The following VAT1L variants were observed in gnomAD, a reference collection of about 807,000 sequenced individuals.
VAT1L encodes vesicle amine transport 1 like, also known as putative NADPH-dependent quinone oxidoreductase VAT1L.
In VAT1L, 34 loss-of-function variants were observed where a neutral mutation model predicts 44.1. The observed-to-expected ratio is 0.77, with a 90% CI of 0.59 to 1.03. VAT1L has a LOEUF of 1.03. Among genes scored for constraint, VAT1L ranks in the 50% least tolerant of loss-of-function variants. The probability of loss-of-function intolerance (pLI) is 0.00; values close to 1 mark genes in which losing one functional copy is unlikely to be tolerated. For missense variants in VAT1L, 615 were observed against 538.8 expected, an observed-to-expected ratio of 1.14 and a Z score of -1.40; for synonymous variants, 253 against 202.2, an observed-to-expected ratio of 1.25 and a Z score of -2.13.
intron 7 of VAT1L, among the ~76,000 whole-genome samples, chr16:77,936,548 C>T (rs889880952): frequency 1.2e-4 from 18 of 151,914 alleles, no homozygotes; most frequent in Non-Finnish European, 2.1e-4. Flanking sequence ...GGCTTGCAGA[C>T]GATTCGAAGA....
chr16:77,924,301 C>T (rs909162117), intron 7 of VAT1L, among the ~76,000 whole-genome samples: 1 of 152,156 alleles, frequency 6.6e-6, no homozygotes, highest in East Asian at 1.9e-4. Flanking sequence ...ACCCCAGCAT[C>T]AAGCTCAGCC....
intron 7 of VAT1L, among the ~76,000 whole-genome samples, chr16:77,968,500 C>T (rs1301961030): frequency 2.0e-5 from 3 of 152,030 alleles, no homozygotes; most frequent in Admixed American, 6.6e-5. Flanking sequence ...CCAAGGCAGG[C>T]GGATCACAAA....
intron 4 of VAT1L, among the ~76,000 whole-genome samples, chr16:77,869,577 G>T (rs1431234301): frequency 6.6e-6 from 1 of 152,192 alleles, no homozygotes; most frequent in East Asian, 1.9e-4. Context: ...GCTGAGACAG[G>T]AGGATCTCTT....
In VAT1L at chr16:77,950,722, T is replaced by C. The variant is rs188316397; in HGVS notation, c.1078-21128T>C. Among the ~76,000 whole-genome samples, 52 of 152,308 alleles carry C rather than the reference T, an allele frequency of 3.4e-4. 1 individual carries two copies. The East Asian group carries it at 5.4e-3, about 16-fold the overall frequency. The stretch of plus-strand genomic sequence containing the variant: ...TTGCTTTTAAATATTGAATAACATA[T>C]AGTAACTGTTAAATTAGTGAATGTT... On this transcript the variant is annotated intron_variant, in intron 7 of 8. Transcript: ENST00000302536.
At chr16:77,873,612 G>A (rs190514556) in intron 4 of VAT1L, among the ~76,000 whole-genome samples, 3 of 152,270 alleles carry the variant, frequency 2.0e-5, no homozygotes, top group Admixed American at 2.0e-4. Context: ...CTTAAATTTT[G>A]GTGGAAGAGA....
At chr16:77,885,673 A>G (rs909697850) in intron 7 of VAT1L, among the ~76,000 whole-genome samples, 2 of 152,118 alleles carry the variant, frequency 1.3e-5, no homozygotes, top group African/African-American at 2.4e-5. Flanking sequence ...GCATGAGGGA[A>G]GTGCCTTATG....
chr16:77,927,207 G>A (rs981915136), intron 7 of VAT1L, among the ~76,000 whole-genome samples: 22 of 151,780 alleles, frequency 1.4e-4, no homozygotes, highest in African/African-American at 4.8e-4. Flanking sequence ...GTGTGGTGGC[G>A]GGCACCTGTA....
At chr16:77,810,950 C>G (rs944339925) in intron 1 of VAT1L, among the ~76,000 whole-genome samples, 4 of 152,138 alleles carry the variant, frequency 2.6e-5, no homozygotes, top group African/African-American at 9.7e-5. Flanking sequence ...CCTAATAAAA[C>G]AATGGGTTTC....
rs917765176 is a variant in VAT1L at position 77,790,825 on chromosome 16, T to C, written c.233+1910T>C. ...CATAGTTCTGTGTTTTCCAGTCTTA[T>C]GTTAACTGCATAATTGCTGATAGGA... On this transcript the variant is annotated intron_variant, in intron 1 of 8. Coordinates refer to ENST00000302536, the MANE Select transcript of VAT1L (RefSeq NM_020927.3). Among the ~76,000 whole-genome samples, 13 of 152,330 alleles carry C rather than the reference T, an allele frequency of 8.5e-5. 1 individual carries two copies. The highest frequency in any genetic ancestry group is 3.3e-4 in the Admixed American group (5 of 15,304).
chr16:77,823,141 G>T (rs1284303656), intron 2 of VAT1L, among the ~76,000 whole-genome samples: 1 of 151,796 alleles, frequency 6.6e-6, no homozygotes, highest in Non-Finnish European at 1.5e-5. Flanking sequence ...ACGCAGAACT[G>T]GCCAACCTGG....
At chr16:77,907,620 A>AC (rs1555518699) in intron 7 of VAT1L, among the ~76,000 whole-genome samples, 1 of 151,716 alleles carries the variant, frequency 6.6e-6, no homozygotes, top group Non-Finnish European at 1.5e-5. Flanking sequence ...ACAAAGATAT[A>AC]TTTTTTTATT....
rs547188447 is a variant in VAT1L at position 77,855,280 on chromosome 16, C to T, written c.580-7468C>T. Among the ~76,000 whole-genome samples the T allele has an allele frequency of 1.7e-4, 26 of 150,232 alleles. No individual in the cohort carries two copies. The South Asian group carries it at 3.6e-3, about 21-fold the overall frequency. Reference sequence around the variant, plus strand: ...GCTCGAACCCGGGAAGCAGAGGTTACGGTGAGCCGAGATCGTGCCACTGCA... The same window carrying T: ...GCTCGAACCCGGGAAGCAGAGGTTATGGTGAGCCGAGATCGTGCCACTGCA... On this transcript the variant is annotated intron_variant, in intron 3 of 8. Transcript: ENST00000302536.
At chr16:77,790,642 C>T (rs1308301194) in intron 1 of VAT1L, among the ~76,000 whole-genome samples, 2 of 152,112 alleles carry the variant, frequency 1.3e-5, no homozygotes, top group Non-Finnish European at 2.9e-5. Flanking sequence ...TGTGCATATA[C>T]ATATATACAA....
At position 77,818,088 on chromosome 16, in the gene VAT1L, A is replaced by T. The variant is rs529211617; in HGVS notation, c.363+1038A>T. Among the ~76,000 whole-genome samples, 20 of 152,248 alleles carry T rather than the reference A, an allele frequency of 1.3e-4. No homozygotes were observed. In the South Asian group the frequency reaches 4.2e-3, roughly 32 times the overall value. On this transcript the variant is annotated intron_variant, in intron 2 of 8. Coordinates refer to ENST00000302536, the MANE Select transcript of VAT1L (RefSeq NM_020927.3). ...GGATTCAAATCACCAGAGCTTGTTT[A>T]TCCTTCCTACAGTCTCATGATCTTC...
intron 7 of VAT1L, among the ~76,000 whole-genome samples, chr16:77,962,900 C>T (rs947432082): frequency 2.0e-5 from 3 of 152,116 alleles, no homozygotes; most frequent in Non-Finnish European, 4.4e-5. Flanking sequence ...GGGTTGTGAT[C>T]ATGCCACTGC....
intron 7 of VAT1L, among the ~76,000 whole-genome samples, chr16:77,940,423 A>C (rs553990859): frequency 7.1e-6 from 1 of 141,736 alleles, no homozygotes; most frequent in African/African-American, 2.7e-5. Flanking sequence ...GGCTCACTGC[A>C]ACCTCTGCCT....
At chr16:77,947,550 C>A (rs546868333) in intron 7 of VAT1L, among the ~76,000 whole-genome samples, 91 of 152,298 alleles carry the variant, frequency 6.0e-4, no homozygotes, top group Middle Eastern at 3.4e-3. Context: ...AAACACACTT[C>A]TAGCTGTGTC....
In VAT1L at chr16:77,879,878, T is replaced by C. The variant is rs768314977; in HGVS notation, c.882+654T>C. On this transcript the variant is annotated intron_variant, in intron 6 of 8. Transcript: ENST00000302536. This position sits in a 1 kb window ranked among gnomAD's most constrained non-coding sequence, Gnocchi z 4.1. Reference sequence around the variant, plus strand: ...TAGAGCGGCCAGCCTTTCACTTTGCTACTTTCTGACCAGGTCTCTGGGGGT... The same window carrying C: ...TAGAGCGGCCAGCCTTTCACTTTGCCACTTTCTGACCAGGTCTCTGGGGGT... Among the ~76,000 whole-genome samples, 5 of 152,348 alleles carry C rather than the reference T, an allele frequency of 3.3e-5. No homozygotes were observed. Among genetic ancestry groups the C allele is most frequent in the South Asian group, 2.1e-4 (1 of 4,828 alleles).
chr16:77,840,995 T>A (rs2016698629), intron 3 of VAT1L, among the ~76,000 whole-genome samples: 1 of 152,234 alleles, frequency 6.6e-6, no homozygotes, highest in Admixed American at 6.5e-5. Flanking sequence ...AGGGTTATGG[T>A]AACTTTAGCT....
Sources: gnomAD v4.1 joint callset for allele counts (sites outside exome capture counted in the v4.1 genomes callset) on GRCh38, gnomAD v4.1.1 for gene constraint, Gnocchi (gnomAD v3.1) non-coding constraint, MANE v1.5 for transcripts, NCBI Gene and HGNC (gene_info 2026-07-23, HGNC 2026-07-21) for gene names.